The following DAB1 variants were observed in gnomAD, a reference collection of about 807,000 sequenced individuals.
DAB1 encodes disabled homolog 1.
A neutral mutation model predicts 64.6 loss-of-function variants in DAB1; 15 were observed. The observed-to-expected ratio is 0.23, with a 90% confidence interval of 0.16 to 0.36. The LOEUF is 0.36. DAB1 is among the 10% of genes least tolerant of loss of function. DAB1 has a pLI of 1.00. For missense variants in DAB1, 596 were observed against 706.7 expected, an observed-to-expected ratio of 0.84 and a Z score of 1.78; for synonymous variants, 235 against 251.9, an observed-to-expected ratio of 0.93 and a Z score of 0.64.
intron 4 of DAB1, among the ~76,000 whole-genome samples, chr1:58,166,967 G>A (rs763125692): frequency 1.3e-5 from 2 of 150,894 alleles, no homozygotes; most frequent in Non-Finnish European, 2.9e-5. Flanking sequence ...GGCTGGTCTC[G>A]AACTTCTGGC....
At chr1:58,189,609 G>C (rs961224053) in intron 4 of DAB1, among the ~76,000 whole-genome samples, 3 of 152,184 alleles carry the variant, frequency 2.0e-5, no homozygotes, top group African/African-American at 4.8e-5. Flanking sequence ...ACTGGTTGCA[G>C]GTCCCCACTG....
chr1:58,495,414 TATA>T (rs903443511), intron 3 of DAB1, among the ~76,000 whole-genome samples: 6 of 151,792 alleles, frequency 4.0e-5, no homozygotes, highest in South Asian at 2.1e-4. Context: ...AAACTTAAAG[TATA>T]ATAATAATAA....
intron 4 of DAB1, among the ~76,000 whole-genome samples, chr1:58,246,133 A>AG (rs1261634899): frequency 2.6e-5 from 4 of 151,796 alleles, no homozygotes; most frequent in Non-Finnish European, 5.9e-5. Flanking sequence ...ATTGTTAACA[A>AG]AAATGAATAA....
intron 4 of DAB1, among the ~76,000 whole-genome samples, chr1:58,156,707 G>C (rs1191169985): frequency 6.6e-6 from 1 of 152,118 alleles, no homozygotes; most frequent in East Asian, 1.9e-4. Flanking sequence ...AGGCTGCACA[G>C]AAGGGAACAA....
intron 2 of DAB1, among the ~76,000 whole-genome samples, chr1:58,521,372 A>C (rs1646260368): frequency 6.6e-6 from 1 of 152,038 alleles, no homozygotes; most frequent in African/African-American, 2.4e-5. Flanking sequence ...TATTCATCTT[A>C]AGTTAGGGAA....
chr1:57,101,235 C>A (rs1049229959), intron 4 of DAB1, among the ~76,000 whole-genome samples: 5 of 152,194 alleles, frequency 3.3e-5, no homozygotes, highest in Admixed American at 6.5e-5. Context: ...CAGAGGCAAT[C>A]CTTTTTGAAT....
At chr1:57,072,262 T>C in intron 5 of DAB1, 21 bp downstream of exon 5, 1 of 1,612,312 alleles carries the variant, frequency 6.2e-7, no homozygotes, top group East Asian at 2.2e-5. Flanking sequence ...AAAGACTCCC[T>C]TCTTGGATAG....
intron 1 of DAB1, among the ~76,000 whole-genome samples, chr1:58,535,720 G>A (rs1435120970): frequency 6.6e-6 from 1 of 152,176 alleles, no homozygotes; most frequent in East Asian, 1.9e-4. Flanking sequence ...ATGAACTGGA[G>A]AGAAAATGAC....
intron 7 of DAB1, among the ~76,000 whole-genome samples, chr1:57,576,050 A>G (rs1274653165): frequency 1.3e-5 from 2 of 152,156 alleles, no homozygotes; most frequent in East Asian, 1.9e-4. Flanking sequence ...TCAATTTATG[A>G]TTTTTTTGAC....
chr1:57,923,836 T>C (rs1379900393), intron 5 of DAB1, among the ~76,000 whole-genome samples: 1 of 152,174 alleles, frequency 6.6e-6, no homozygotes, highest in Non-Finnish European at 1.5e-5. Flanking sequence ...AAATATAATA[T>C]TAGTAGAAAT....
At chr1:58,133,164 G>A (rs1448124246) in intron 5 of DAB1, among the ~76,000 whole-genome samples, 1 of 152,120 alleles carries the variant, frequency 6.6e-6, no homozygotes, top group East Asian at 1.9e-4. Flanking sequence ...TTCTGTTCTG[G>A]TTGCACAACG....
intron 5 of DAB1, among the ~76,000 whole-genome samples, chr1:58,068,568 AT>A (rs1200268935): frequency 6.6e-6 from 1 of 151,998 alleles, no homozygotes; most frequent in Non-Finnish European, 1.5e-5. Flanking sequence ...GATCGAGACC[AT>A]CCTGGCTAAC....
At position 57,970,065 on chromosome 1, in the gene DAB1, C is replaced by T. The variant is rs529793372; in HGVS notation, n.388-85903G>A. On this transcript the variant is annotated intron_variant and non_coding_transcript_variant, in intron 5 of 20. Coordinates refer to the DAB1 transcript ENST00000485760. ...TCACCTCTTCTACCATGTGAGGACA[C>T]AGAGAGAAGGCACCGTCTATGAAAT... Among the ~76,000 whole-genome samples the T allele has an allele frequency of 5.9e-5, 9 of 152,226 alleles. 1 individual carries two copies. The South Asian group carries it at 1.9e-3, about 32-fold the overall frequency.
intron 5 of DAB1, among the ~76,000 whole-genome samples, chr1:58,044,418 T>C (rs1286843717): frequency 1.3e-5 from 2 of 151,932 alleles, no homozygotes; most frequent in African/African-American, 4.8e-5. Flanking sequence ...TGTCTGAATA[T>C]CATTTTTTCG....
rs754774143 is a variant in DAB1 at position 58,538,873 on chromosome 1, C to T, written n.32+7830G>A. On this transcript the variant is annotated intron_variant and non_coding_transcript_variant, in intron 1 of 20. Coordinates refer to the DAB1 transcript ENST00000485760. The stretch of plus-strand genomic sequence containing the variant: ...GAGAGGAACCGGAGCAGCTTGAAAC[C>T]GTGGAGAAGTATGGAAATTCCTAAT... 11 of 872,448 alleles carry T rather than the reference C, an allele frequency of 1.3e-5. No individual in the cohort carries two copies. In the South Asian group the frequency reaches 1.4e-4, roughly 11 times the overall value. 54.0% of individuals were successfully genotyped at this position (872,448 alleles called of 1,614,324 possible).
chr1:57,695,294 G>GAAAGAA (rs1646813305), intron 6 of DAB1, among the ~76,000 whole-genome samples: 8 of 52,112 alleles, frequency 1.5e-4, no homozygotes, highest in African/African-American at 5.4e-4. Flanking sequence ...GAAAGGGAGA[G>GAAAGAA]AGAAGGAAAG....
rs140787344 is a variant in DAB1, at chr1:58,136,195, G to A, written n.387+14316C>T. On this transcript the variant is annotated intron_variant and non_coding_transcript_variant, in intron 5 of 20. Transcript: ENST00000485760. The stretch of plus-strand genomic sequence containing the variant: ...TCCCCTGTTAATAGTGCTCCAGACC[G>A]TAGAAATTGAGGTAAATAAGCAGCT... Among the ~76,000 whole-genome samples, 198 of 152,308 alleles carry A rather than the reference G, an allele frequency of 1.3e-3. 1 individual carries two copies. Among genetic ancestry groups the A allele is most frequent in the African/African-American group, 4.7e-3 (194 of 41,586 alleles).
intron 3 of DAB1, among the ~76,000 whole-genome samples, chr1:58,458,830 C>CAA (rs763488719): frequency 5.6e-5 from 8 of 143,140 alleles, no homozygotes; most frequent in African/African-American, 2.0e-4. Flanking sequence ...AACAAACAAA[C>CAA]AAAAAAAAAA....
chr1:57,378,666 G>A (rs556172257), intron 1 of DAB1, among the ~76,000 whole-genome samples: 71 of 152,266 alleles, frequency 4.7e-4, no homozygotes, highest in African/African-American at 1.6e-3. Context: ...TGGATGATCC[G>A]TGCCCAAATC....
Sources: gnomAD v4.1 joint callset for allele counts (sites outside exome capture counted in the v4.1 genomes callset) on GRCh38, gnomAD v4.1.1 for gene constraint, MANE v1.5 for transcripts, NCBI Gene and HGNC (gene_info 2026-07-23, HGNC 2026-07-21) for gene names.